NAALADL2: variants seen among roughly 807,000 people sequenced by gnomAD.
NAALADL2 encodes the protein N-acetylated alpha-linked acidic dipeptidase like 2, also known as inactive N-acetylated-alpha-linked acidic dipeptidase-like protein 2.
A neutral mutation model predicts 87.2 loss-of-function variants in NAALADL2; 76 were observed. That is an observed-to-expected ratio of 0.87 (90% CI 0.72 to 1.05). NAALADL2 has a LOEUF of 1.05. Ranked by LOEUF, NAALADL2 falls within the 50% of genes least tolerant of loss-of-function variation. The probability of loss-of-function intolerance (pLI) is 0.00; values close to 1 mark genes in which losing one functional copy is unlikely to be tolerated. For missense variants in NAALADL2, 1,089 were observed against 945.8 expected (o/e 1.15, Z -1.99); for synonymous variants, 354 against 331.0 (o/e 1.07, Z -0.75).
chr3:175,474,701 G>A (rs1478072171), intron 9 of NAALADL2, among the ~76,000 whole-genome samples: 1 of 147,158 alleles, frequency 6.8e-6, no homozygotes, highest in African/African-American at 2.5e-5. Flanking sequence ...CTGGCATTGG[G>A]GGGAGGTTTG....
intron 5 of NAALADL2, among the ~76,000 whole-genome samples, chr3:175,381,221 T>G (rs1767743272): frequency 6.6e-6 from 1 of 151,604 alleles, no homozygotes; most frequent in Non-Finnish European, 1.5e-5. Flanking sequence ...TAAAGTATTT[T>G]GGTTATTAAA....
intron 2 of NAALADL2, among the ~76,000 whole-genome samples, chr3:175,108,988 T>G (rs1482602006): frequency 6.6e-6 from 1 of 151,866 alleles, no homozygotes; most frequent in African/African-American, 2.4e-5. Flanking sequence ...CAATTGCTGC[T>G]GGGTATAACA....
chr3:174,527,749 A>C (rs1382741410), intron 1 of NAALADL2, among the ~76,000 whole-genome samples: 1 of 152,204 alleles, frequency 6.6e-6, no homozygotes, highest in Non-Finnish European at 1.5e-5. Flanking sequence ...TAAAACATCC[A>C]TCACATTTGC....
At chr3:175,181,728 T>C (rs1261734490) in intron 2 of NAALADL2, among the ~76,000 whole-genome samples, 13 of 27,614 alleles carry the variant, frequency 4.7e-4, no homozygotes, top group East Asian at 2.0e-3. Flanking sequence ...TATATATATG[T>C]ATATATGTGT....
At chr3:175,053,840 C>G (rs1230770602) in intron 1 of NAALADL2, among the ~76,000 whole-genome samples, 2 of 152,178 alleles carry the variant, frequency 1.3e-5, no homozygotes, top group Non-Finnish European at 2.9e-5. Flanking sequence ...GCATTTGAGA[C>G]CAGAGGCATT....
At position 175,807,736 on chromosome 3, in the gene NAALADL2, C is replaced by T. The variant is rs191209853; in HGVS notation, c.*4533C>T. ...TATTTGAGAAAATATATATATTCTG[C>T]CCAGCCACACTGGTGAGTTTTTATT... On this transcript the variant is annotated 3_prime_UTR_variant, in exon 14 of 14. Transcript: ENST00000454872. 3.2e-4 allele frequency: 48 copies of T among 151,946 alleles called. No homozygotes were observed. Among genetic ancestry groups the T allele is most frequent in the Non-Finnish European group, 6.5e-4 (44 of 67,876 alleles). The allele number at this position is 151,946 out of a possible 1,614,324, so 9.4% of individuals were successfully genotyped here.
At chr3:175,146,830 T>A (rs1248287438) in intron 2 of NAALADL2, among the ~76,000 whole-genome samples, 2 of 152,124 alleles carry the variant, frequency 1.3e-5, no homozygotes, top group African/African-American at 4.8e-5. Context: ...AGCTTTTTTT[T>A]TAACTAAATT....
chr3:174,654,829 G>A (rs1318762450), intron 2 of NAALADL2, among the ~76,000 whole-genome samples: 6 of 152,076 alleles, frequency 3.9e-5, no homozygotes, highest in Non-Finnish European at 5.9e-5. Flanking sequence ...TCTGCCTCCC[G>A]GGTTCAAGCC....
intron 2 of NAALADL2, among the ~76,000 whole-genome samples, chr3:175,105,220 C>T (rs973669072): frequency 4.6e-5 from 7 of 152,074 alleles, no homozygotes; most frequent in African/African-American, 1.7e-4. Context: ...CATTTCCTCC[C>T]ATTTTGTTGG....
At chr3:175,703,892 T>A (rs1582952145) in intron 11 of NAALADL2, among the ~76,000 whole-genome samples, 2 of 152,300 alleles carry the variant, frequency 1.3e-5, no homozygotes, top group Non-Finnish European at 2.9e-5. Flanking sequence ...TCGTTCATAT[T>A]GACTATTATG....
At chr3:174,920,740 C>T (rs1450509235) in intron 1 of NAALADL2, among the ~76,000 whole-genome samples, 1 of 152,166 alleles carries the variant, frequency 6.6e-6, no homozygotes, top group East Asian at 1.9e-4. Context: ...TTTTGGCTTA[C>T]CTTGACTTTC....
chr3:175,335,131 C>T (rs558200484), intron 5 of NAALADL2, among the ~76,000 whole-genome samples: 22 of 152,240 alleles, frequency 1.4e-4, no homozygotes, highest in Non-Finnish European at 2.5e-4. Context: ...ACGTCTACCG[C>T]GTCTACTGAG....
intron 2 of NAALADL2, among the ~76,000 whole-genome samples, chr3:174,622,745 A>C (rs1054490955): frequency 3.9e-5 from 6 of 152,202 alleles, no homozygotes; most frequent in Admixed American, 6.5e-5. Flanking sequence ...TCATTCATTT[A>C]GTAAGAGGAA....
intron 10 of NAALADL2, among the ~76,000 whole-genome samples, chr3:175,595,956 T>C (rs959541337): frequency 1.3e-5 from 2 of 151,996 alleles, no homozygotes; most frequent in African/African-American, 2.4e-5. Context: ...TATTCTTCTA[T>C]TCATGAAGGT....
At chr3:175,355,452 G>C (rs1325805713) in intron 5 of NAALADL2, among the ~76,000 whole-genome samples, 1 of 152,120 alleles carries the variant, frequency 6.6e-6, no homozygotes, top group Non-Finnish European at 1.5e-5. Context: ...GATATTGTAG[G>C]CACTGTGGAA....
At chr3:174,741,645 G>A (rs1733774347) in intron 3 of NAALADL2, among the ~76,000 whole-genome samples, 1 of 151,584 alleles carries the variant, frequency 6.6e-6, no homozygotes, top group African/African-American at 2.4e-5. Context: ...GAAGAGCTGA[G>A]TAATATTTTA....
chr3:174,576,868 G>A (rs952465467), intron 2 of NAALADL2, among the ~76,000 whole-genome samples: 10 of 152,148 alleles, frequency 6.6e-5, no homozygotes, highest in African/African-American at 2.4e-4. Context: ...ATTCTGCAAT[G>A]TGATAGAGTA....
chr3:175,466,695 A>C (rs1724083505), intron 7 of NAALADL2, among the ~76,000 whole-genome samples: 1 of 152,158 alleles, frequency 6.6e-6, no homozygotes, highest in Admixed American at 6.6e-5. Flanking sequence ...TAAGGGTTTC[A>C]CTGTGGCATA....
intron 3 of NAALADL2, among the ~76,000 whole-genome samples, chr3:174,757,821 T>C (rs1368713087): frequency 6.6e-6 from 1 of 152,118 alleles, no homozygotes; most frequent in Non-Finnish European, 1.5e-5. Context: ...ACATTTCTAG[T>C]GATAGCCAGA....
Sources: allele counts gnomAD v4.1 joint callset (sites outside exome capture counted in the v4.1 genomes callset), GRCh38; gene constraint gnomAD v4.1.1; transcripts MANE v1.5; gene names NCBI Gene and HGNC (gene_info 2026-07-23, HGNC 2026-07-21).